The following GLI2 variants were observed in gnomAD, a reference collection of about 807,000 sequenced individuals.
The protein encoded by GLI2 is transcription activator GLI2.
Under a neutral mutation model 78.9 loss-of-function variants are expected in GLI2, and 22 were observed. The ratio of observed to expected loss-of-function variants is 0.28; its 90% CI spans 0.20 to 0.40. The LOEUF (loss-of-function observed/expected upper bound fraction) is 0.40, where lower values mean the gene tolerates loss of function less well. Among genes scored for constraint, GLI2 ranks in the 10% least tolerant of loss-of-function variants. GLI2 has a pLI of 1.00. For synonymous variants in GLI2, 974 were observed against 963.7 expected (o/e 1.01, Z -0.20); for missense variants, 2,097 against 2,213.2 (o/e 0.95, Z 1.05).
At chr2:120,806,684 G>A (rs1391170938) in intron 2 of GLI2, among the ~76,000 whole-genome samples, 1 of 152,206 alleles carries the variant, frequency 6.6e-6, no homozygotes, top group Non-Finnish European at 1.5e-5. Flanking sequence ...GCGCAGAGAT[G>A]GCTGGCACCC....
At position 120,969,837 on chromosome 2, in the gene GLI2, G is replaced by A. The variant is rs116123887; in HGVS notation, c.846-556G>A. On this transcript the variant is annotated intron_variant, in intron 6 of 13. Transcript: ENST00000361492. ...CCACCTTGCAGCCTATGATGTGAGA[G>A]GAAGCTGGAGGAAGCCACGATGTCT... 4.6e-3 allele frequency among the ~76,000 whole-genome samples: 697 copies of A among 152,354 alleles called. 3 individuals are homozygous for A. The highest frequency in any genetic ancestry group is 0.016 in the African/African-American group (679 of 41,590).
At chr2:120,838,092 T>C (rs74641446) in intron 2 of GLI2, among the ~76,000 whole-genome samples, 7,340 of 152,294 alleles carry the variant, frequency 0.048, 199 homozygotes, top group East Asian at 0.092. Flanking sequence ...CTTTGTCATT[T>C]TGAGTTTTCC....
chr2:120,988,175 T>C (rs369453749), intron 13 of GLI2, 33 bp from the exon 14 acceptor site: 31 of 1,566,098 alleles, frequency 2.0e-5, no homozygotes, highest in Non-Finnish European at 2.7e-5. Context: ...CACCCACCCT[T>C]GTCCCGGTGC....
At chr2:120,742,806 T>C (rs182054579) in intron 1 of GLI2, among the ~76,000 whole-genome samples, 68 of 152,346 alleles carry the variant, frequency 4.5e-4, no homozygotes, top group Admixed American at 3.1e-3. Context: ...ATATAGAATG[T>C]GACGAATTTG....
At chr2:120,945,986 C>CACAG (rs1486984131) in intron 3 of GLI2, among the ~76,000 whole-genome samples, 1 of 150,782 alleles carries the variant, frequency 6.6e-6, no homozygotes, top group African/African-American at 2.5e-5. Context: ...CACACACACA[C>CACAG]ACACAGCTTT....
At chr2:120,918,627 G>A (rs1157559497) in intron 2 of GLI2, among the ~76,000 whole-genome samples, 1 of 152,050 alleles carries the variant, frequency 6.6e-6, no homozygotes, top group Non-Finnish European at 1.5e-5. Context: ...TTTTAGTAGA[G>A]ATGGGGTTTC....
intron 2 of GLI2, among the ~76,000 whole-genome samples, chr2:120,897,286 C>T (rs1358597147): frequency 1.3e-5 from 2 of 152,218 alleles, no homozygotes; most frequent in African/African-American, 2.4e-5. Flanking sequence ...CAGCATGGGC[C>T]CCTGCTCCCT....
At position 120,945,957 on chromosome 2, in the gene GLI2, TCACACACA is replaced by T. The variant is rs3223143; in HGVS notation, c.255-5259_255-5252del. ...GCCCTGCCCCTCAGGCATAACCTTC[TCACACACA>T]CACACACACACACACACACACACAC... On this transcript the variant is annotated intron_variant, in intron 3 of 13. Coordinates refer to ENST00000361492, the MANE Select transcript of GLI2 (RefSeq NM_001374353.1). Among the ~76,000 whole-genome samples, 840 of 134,254 alleles carry T rather than the reference TCACACACA, an allele frequency of 6.3e-3. 7 individuals are homozygous for T. Among genetic ancestry groups the T allele is most frequent in the African/African-American group, 0.017 (644 of 37,722 alleles). The allele number at this position is 134,254 out of a possible 152,430, so 88.1% of individuals were successfully genotyped here. A position where few individuals can be genotyped will look rare whatever the true frequency, so the allele number is the denominator to read the frequency against.
intron 9 of GLI2, among the ~76,000 whole-genome samples, chr2:120,975,475 A>T (rs1188037434): frequency 6.6e-6 from 1 of 152,138 alleles, no homozygotes; most frequent in East Asian, 1.9e-4. Context: ...CAGTGCAAAG[A>T]GGGAAATACG....
chr2:120,906,443 A>G (rs1678538079), intron 2 of GLI2, among the ~76,000 whole-genome samples: 2 of 152,098 alleles, frequency 1.3e-5, no homozygotes, highest in Non-Finnish European at 2.9e-5. Flanking sequence ...GCTCAGGAAT[A>G]TGCCTCAGGG....
intron 5 of GLI2, among the ~76,000 whole-genome samples, chr2:120,965,721 C>T (rs1256546054): frequency 2.6e-5 from 4 of 152,370 alleles, no homozygotes; most frequent in Non-Finnish European, 4.4e-5. Flanking sequence ...CCCTGTTTGC[C>T]GTCCAGGATC....
chr2:120,802,978 C>A (rs1354728366), intron 2 of GLI2, among the ~76,000 whole-genome samples: 1 of 152,256 alleles, frequency 6.6e-6, no homozygotes, highest in Non-Finnish European at 1.5e-5. Context: ...TTTACACAAA[C>A]CCTCTTGGTG....
intron 2 of GLI2, among the ~76,000 whole-genome samples, chr2:120,899,274 T>C (rs1338129051): frequency 6.6e-6 from 1 of 152,012 alleles, no homozygotes; most frequent in African/African-American, 2.4e-5. Flanking sequence ...TGCAGATCAG[T>C]GTAATATAGA....
intron 5 of GLI2, among the ~76,000 whole-genome samples, chr2:120,965,611 A>AGGGGC (rs1681813230): frequency 1.4e-5 from 2 of 143,288 alleles, no homozygotes; most frequent in Non-Finnish European, 3.0e-5. Context: ...GCTGCGGCAG[A>AGGGGC]AGGGCACACT....
chr2:120,957,746 C>T (rs532044602), intron 5 of GLI2, among the ~76,000 whole-genome samples: 4 of 152,212 alleles, frequency 2.6e-5, no homozygotes, highest in South Asian at 2.1e-4. Flanking sequence ...TACGTGCACA[C>T]GTGAGAGACA....
At chr2:120,761,733 G>A (rs907389915) in intron 1 of GLI2, among the ~76,000 whole-genome samples, 2 of 152,316 alleles carry the variant, frequency 1.3e-5, no homozygotes, top group African/African-American at 4.8e-5. Flanking sequence ...CCACGGTGCT[G>A]GGAAGGAGCA....
chr2:120,847,858 C>T (rs1484838246), intron 2 of GLI2, among the ~76,000 whole-genome samples: 3 of 152,174 alleles, frequency 2.0e-5, no homozygotes, highest in African/African-American at 7.2e-5. Flanking sequence ...TGGATCCCTG[C>T]CAGCCCTCTT....
At chr2:120,934,820 C>T (rs932282238) in intron 3 of GLI2, among the ~76,000 whole-genome samples, 7 of 151,986 alleles carry the variant, frequency 4.6e-5, no homozygotes, top group East Asian at 1.9e-4. Flanking sequence ...GCCACTGGGC[C>T]GAACTCATGA....
In GLI2 at chr2:120,992,205, C is replaced by A. The variant is rs1018077352; in HGVS notation, c.*1530C>A. 6.6e-6 allele frequency: 1 copy of A among 152,572 alleles called. No homozygotes were observed. The highest frequency in any genetic ancestry group is 1.5e-5 in the Non-Finnish European group (1 of 68,040). The allele number at this position is 152,572 out of a possible 1,614,324, so 9.5% of individuals were successfully genotyped here. On this transcript the variant is annotated 3_prime_UTR_variant, in exon 14 of 14. Coordinates refer to ENST00000361492, the MANE Select transcript of GLI2 (RefSeq NM_001374353.1). ...CATCTGGGCTCGCTGCGTCCCAGCA[C>A]ATCAAACTCTGTCCAGAGACAAGGC...
Sources: gnomAD v4.1 joint callset for allele counts (sites outside exome capture counted in the v4.1 genomes callset) on GRCh38, gnomAD v4.1.1 for gene constraint, MANE v1.5 for transcripts, NCBI Gene and HGNC (gene_info 2026-07-23, HGNC 2026-07-21) for gene names.